KCNAB1: variants seen among roughly 807,000 people sequenced by gnomAD.
KCNAB1 encodes voltage-gated potassium channel subunit beta-1.
A neutral mutation model predicts 64.6 loss-of-function variants in KCNAB1; 35 were observed. The ratio of observed to expected loss-of-function variants is 0.54; its 90% CI spans 0.41 to 0.72. The LOEUF (loss-of-function observed/expected upper bound fraction) is 0.72, where lower values mean the gene tolerates loss of function less well. Among genes scored for constraint, KCNAB1 ranks in the 30% least tolerant of loss-of-function variants. KCNAB1 has a pLI of 0.00. For synonymous variants in KCNAB1, 177 were observed against 183.8 expected (o/e 0.96, Z 0.30); for missense variants, 401 against 512.9 (o/e 0.78, Z 2.11).
chr3:156,492,229 A>G lies in KCNAB1; in HGVS notation c.658+17409A>G, dbSNP rs73025747. On this transcript the variant is annotated intron_variant, in intron 8 of 13. Coordinates refer to ENST00000490337, the MANE Select transcript of KCNAB1 (RefSeq NM_172160.3). ...TCTTACCTACAATAAACGCAGGACCATATTAAGTGCTATAAAGAATAAAAA... is the reference window on the plus strand; with the variant it reads ...TCTTACCTACAATAAACGCAGGACCGTATTAAGTGCTATAAAGAATAAAAA... Among the ~76,000 whole-genome samples the G allele has an allele frequency of 5.4e-3, 816 of 152,270 alleles. 10 individuals carry two copies. The highest frequency in any genetic ancestry group is 0.018 in the African/African-American group (766 of 41,568).
chr3:156,515,538 T>C (rs755760173), intron 10 of KCNAB1, among the ~76,000 whole-genome samples: 14 of 152,174 alleles, frequency 9.2e-5, no homozygotes, highest in Middle Eastern at 3.2e-3. Flanking sequence ...TCATTTTTCA[T>C]TGGTGCTTGC....
At chr3:156,372,399 G>T (rs1726367229) in intron 1 of KCNAB1, among the ~76,000 whole-genome samples, 1 of 152,144 alleles carries the variant, frequency 6.6e-6, no homozygotes, top group Non-Finnish European at 1.5e-5. Flanking sequence ...TTAAAACAGT[G>T]GTTCTCAAAT....
At chr3:156,121,023 T>G in intron 1 of KCNAB1, 137 bp downstream of exon 1, 1 of 1,011,218 alleles carries the variant, frequency 9.9e-7, no homozygotes, top group Non-Finnish European at 1.4e-6. Flanking sequence ...CACTTCAGAA[T>G]GTGTAACCAC....
intron 1 of KCNAB1, among the ~76,000 whole-genome samples, chr3:156,361,640 T>C (rs1021924708): frequency 6.6e-6 from 1 of 152,234 alleles, no homozygotes; most frequent in African/African-American, 2.4e-5. Flanking sequence ...TTTTAGAATT[T>C]TTTATTTTAT....
intron 8 of KCNAB1, among the ~76,000 whole-genome samples, chr3:156,487,531 C>T (rs1036183275): frequency 5.9e-5 from 9 of 152,084 alleles, no homozygotes; most frequent in African/African-American, 1.9e-4. Flanking sequence ...GCCAATCATA[C>T]AAAATTGCTG....
At chr3:156,507,757 A>G (rs1010998099) in intron 8 of KCNAB1, among the ~76,000 whole-genome samples, 11 of 152,130 alleles carry the variant, frequency 7.2e-5, no homozygotes, top group Admixed American at 3.9e-4. Flanking sequence ...GTTAACAGCA[A>G]CTCCTCTGAT....
intron 1 of KCNAB1, among the ~76,000 whole-genome samples, chr3:156,286,422 ACCCAATTTTGCCTGGCTGCATAATT>A (rs1224858423): frequency 6.6e-6 from 1 of 152,076 alleles, no homozygotes; most frequent in Non-Finnish European, 1.5e-5. Context: ...TTTTGGATAA[ACCCAATTTTGCCTGGCTGCATAATT>A]GAGTGTTTTC....
intron 1 of KCNAB1, among the ~76,000 whole-genome samples, chr3:156,404,598 TTAAGGCAA>T (rs1197029423): frequency 6.7e-5 from 10 of 148,290 alleles, no homozygotes; most frequent in African/African-American, 2.4e-4. Context: ...GATAAATAGG[TTAAGGCAA>T]GCATTAAATG....
chr3:156,159,002 T>G (rs1467917335), intron 1 of KCNAB1, among the ~76,000 whole-genome samples: 1 of 152,182 alleles, frequency 6.6e-6, no homozygotes, highest in Non-Finnish European at 1.5e-5. Context: ...TGACTGAGAA[T>G]GAAGACTCAG....
At chr3:156,492,903 T>C (rs1483842420) in intron 8 of KCNAB1, among the ~76,000 whole-genome samples, 1 of 152,102 alleles carries the variant, frequency 6.6e-6, no homozygotes, top group African/African-American at 2.4e-5. Flanking sequence ...TTGGAAGTAG[T>C]TCCTTCTGCA....
chr3:156,165,923 A>C (rs557109714), intron 1 of KCNAB1, among the ~76,000 whole-genome samples: 188 of 152,310 alleles, frequency 1.2e-3, no homozygotes, highest in Admixed American at 4.3e-3. Context: ...TGGATCACAG[A>C]GTAGTTCCTG....
chr3:156,317,603 C>T (rs547390981), intron 1 of KCNAB1, among the ~76,000 whole-genome samples: 3 of 151,814 alleles, frequency 2.0e-5, no homozygotes, highest in Admixed American at 2.0e-4. Context: ...GGAAATGACT[C>T]AAAAAGATGA....
intron 3 of KCNAB1, chr3:156,456,120 A>C (rs1198361374): frequency 6.6e-6 from 1 of 152,212 alleles, no homozygotes; most frequent in African/African-American, 2.4e-5. Flanking sequence ...TTATTTTTCT[A>C]GTAAGTAGGA....
chr3:156,236,925 A>G (rs941012423), intron 1 of KCNAB1, among the ~76,000 whole-genome samples: 1 of 152,192 alleles, frequency 6.6e-6, no homozygotes, highest in Non-Finnish European at 1.5e-5. Flanking sequence ...AATATAACAA[A>G]AGTCTTGCAA....
intron 8 of KCNAB1, among the ~76,000 whole-genome samples, chr3:156,483,105 A>G (rs1450694953): frequency 6.6e-6 from 1 of 152,126 alleles, no homozygotes; most frequent in Non-Finnish European, 1.5e-5. Flanking sequence ...CACAGTGCTC[A>G]TGTGACCTGT....
At chr3:156,446,623 T>G (rs1438015688) in intron 2 of KCNAB1, among the ~76,000 whole-genome samples, 1 of 152,222 alleles carries the variant, frequency 6.6e-6, no homozygotes, top group Non-Finnish European at 1.5e-5. Context: ...CCCCATACTC[T>G]GACCTTGGTG....
intron 1 of KCNAB1, among the ~76,000 whole-genome samples, chr3:156,294,415 ACT>A (rs1231570937): frequency 6.6e-6 from 1 of 152,026 alleles, no homozygotes; most frequent in Non-Finnish European, 1.5e-5. Flanking sequence ...TTCAGATTCT[ACT>A]CTGAGTGACC....
At chr3:156,213,520 C>T (rs964284894) in intron 1 of KCNAB1, among the ~76,000 whole-genome samples, 7 of 152,062 alleles carry the variant, frequency 4.6e-5, no homozygotes, top group African/African-American at 1.7e-4. Flanking sequence ...AGCCTTTTTC[C>T]CTTTCTTAAG....
intron 1 of KCNAB1, among the ~76,000 whole-genome samples, chr3:156,288,851 T>C (rs1479380849): frequency 6.6e-6 from 1 of 152,242 alleles, no homozygotes; most frequent in Non-Finnish European, 1.5e-5. Context: ...AACTAGAACG[T>C]GCAGGATTTT....
Sources: gnomAD v4.1 joint callset for allele counts (sites outside exome capture counted in the v4.1 genomes callset) on GRCh38, gnomAD v4.1.1 for gene constraint, MANE v1.5 for transcripts, NCBI Gene and HGNC (gene_info 2026-07-23, HGNC 2026-07-21) for gene names.